FIP1L1: variants seen among roughly 807,000 people sequenced by gnomAD.
FIP1L1 encodes the protein factor interacting with PAPOLA and CPSF1.
A neutral mutation model predicts 84.6 loss-of-function variants in FIP1L1; 21 were observed. The observed-to-expected ratio is 0.25, with a 90% CI of 0.18 to 0.36. The LOEUF is 0.36. FIP1L1 is among the 10% of genes least tolerant of loss of function. The pLI is 1.00. For missense variants in FIP1L1, 526 were observed against 751.1 expected, an observed-to-expected ratio of 0.70 and a Z score of 3.50; for synonymous variants, 263 against 242.3, an observed-to-expected ratio of 1.09 and a Z score of -0.80.
chr4:53,454,041 T>C (rs1717590174), intron 16 of FIP1L1, among the ~76,000 whole-genome samples: 1 of 152,232 alleles, frequency 6.6e-6, no homozygotes, highest in Non-Finnish European at 1.5e-5. Flanking sequence ...CTATTAGTCT[T>C]TCCTGCAACA....
At chr4:53,402,057 G>C (rs1750523224) in intron 10 of FIP1L1, among the ~76,000 whole-genome samples, 1 of 152,040 alleles carries the variant, frequency 6.6e-6, no homozygotes, top group African/African-American at 2.4e-5. Flanking sequence ...AATGATGAAT[G>C]AAGTAGGAAA....
At chr4:53,387,267 A>G (rs1741593560) in intron 5 of FIP1L1, among the ~76,000 whole-genome samples, 1 of 152,242 alleles carries the variant, frequency 6.6e-6, no homozygotes, top group Non-Finnish European at 1.5e-5. Flanking sequence ...GTTTCAGGCC[A>G]GCCTGGGCAA....
intron 11 of FIP1L1, among the ~76,000 whole-genome samples, chr4:53,424,646 GCTGT>G: frequency 6.6e-6 from 1 of 152,094 alleles, no homozygotes; most frequent in South Asian, 2.1e-4. Flanking sequence ...TTTTTATAGG[GCTGT>G]CTTTGTTAGC....
intron 6 of FIP1L1, among the ~76,000 whole-genome samples, chr4:53,390,278 C>T (rs1301793293): frequency 2.6e-5 from 4 of 152,006 alleles, no homozygotes; most frequent in South Asian, 2.1e-4. Context: ...AATTTTTGAC[C>T]GTACATCACA....
At chr4:53,403,531 C>T (rs78535314) in intron 10 of FIP1L1, among the ~76,000 whole-genome samples, 2,740 of 152,204 alleles carry the variant, frequency 0.018, 83 homozygotes, top group African/African-American at 0.063. Flanking sequence ...TGTAAAAATC[C>T]GTGCTTCGGA....
chr4:53,436,633 C>T lies in FIP1L1; in HGVS notation c.1175-6020C>T, dbSNP rs563268701. 2.0e-5 allele frequency among the ~76,000 whole-genome samples: 3 copies of T among 152,200 alleles called. No individual in the cohort carries two copies. In the East Asian group the frequency reaches 5.8e-4, roughly 29 times the overall value. ...AGACAGGGATCATTGAGAGCCATGT[C>T]AGAAGCTATTTTGCCTTAGTTATAT... is the stretch of plus-strand genomic sequence containing the variant. On this transcript the variant is annotated intron_variant, in intron 13 of 17. Coordinates refer to ENST00000337488, the MANE Select transcript of FIP1L1 (RefSeq NM_030917.4).
At chr4:53,396,928 A>C (rs1244479544) in intron 9 of FIP1L1, among the ~76,000 whole-genome samples, 1 of 152,224 alleles carries the variant, frequency 6.6e-6, no homozygotes, top group African/African-American at 2.4e-5. Flanking sequence ...TTTTTTAACA[A>C]AATTATTGAA....
At chr4:53,391,569 A>C in intron 9 of FIP1L1, 71 bp downstream of exon 9, 1 of 1,085,276 alleles carries the variant, frequency 9.2e-7, no homozygotes, top group Non-Finnish European at 1.4e-6. Context: ...GCCACTACTC[A>C]AGGGACAAGA....
chr4:53,408,135 G>A (rs540138872), intron 10 of FIP1L1, among the ~76,000 whole-genome samples: 5 of 152,280 alleles, frequency 3.3e-5, no homozygotes, highest in Non-Finnish European at 5.9e-5. Context: ...GCTGGTACTG[G>A]TTGTTCCTTT....
intron 16 of FIP1L1, 88 bp downstream of exon 16, chr4:53,453,221 C>G: frequency 1.3e-6 from 2 of 1,490,504 alleles, no homozygotes; most frequent in Non-Finnish European, 1.8e-6. Flanking sequence ...TTTCAGTTCA[C>G]TTGGAAAAGA....
chr4:53,415,976 A>G (rs28654213), intron 11 of FIP1L1, among the ~76,000 whole-genome samples: 14,417 of 152,224 alleles, frequency 0.095, 1,206 homozygotes, highest in South Asian at 0.28. Context: ...TTTTAAATCT[A>G]TGTATTATAT....
chr4:53,413,502 T>C (rs1758091688), intron 10 of FIP1L1, among the ~76,000 whole-genome samples: 1 of 152,104 alleles, frequency 6.6e-6, no homozygotes, highest in African/African-American at 2.4e-5. Context: ...CTATTTCTCT[T>C]TCCCTATTCC....
intron 13 of FIP1L1, among the ~76,000 whole-genome samples, chr4:53,431,479 T>G (rs1766631743): frequency 6.6e-6 from 1 of 152,266 alleles, no homozygotes; most frequent in African/African-American, 2.4e-5. Flanking sequence ...TTTAAAGAAT[T>G]AATTTAAATG....
chr4:53,460,767 T>G lies in FIP1L1; in HGVS notation c.*1318T>G. On this transcript the variant is annotated 3_prime_UTR_variant, in exon 18 of 18. Transcript: ENST00000337488. ...CATATTTTCTGAGGTGTAACTGGCT[T>G]TCATTAGATGATCATACTTTTCCTG... The G allele has an allele frequency of 1.3e-5, 11 of 870,980 alleles. No individual in the cohort carries two copies. The highest frequency in any genetic ancestry group is 1.6e-5 in the Non-Finnish European group (9 of 577,500). 54.0% of individuals were successfully genotyped at this position (870,980 alleles called of 1,614,324 possible).
At chr4:53,457,868 G>A (rs569681923) in intron 16 of FIP1L1, among the ~76,000 whole-genome samples, 1 of 152,216 alleles carries the variant, frequency 6.6e-6, no homozygotes, top group South Asian at 2.1e-4. Context: ...GAAAGGAAAA[G>A]AAGTCTAGGG....
At position 53,414,541 on chromosome 4, in the gene FIP1L1, A is replaced by C. The variant is rs1758589778; in HGVS notation, c.816-74A>C. 1.2e-5 allele frequency: 12 copies of C among 971,198 alleles called. No homozygotes were observed. In the East Asian group the frequency reaches 2.4e-4, roughly 19 times the overall value. The allele number at this position is 971,198 out of a possible 1,614,324, so 60.2% of individuals were successfully genotyped here. ...GACTTTAGAAAAAGCATGTCAAGAAAAAAAAAAAAACAGAACAAGGGGGGT... is the reference window on the plus strand; with the variant it reads ...GACTTTAGAAAAAGCATGTCAAGAACAAAAAAAAAACAGAACAAGGGGGGT... On this transcript the variant is annotated intron_variant, in intron 10 of 17. Coordinates refer to ENST00000337488, the MANE Select transcript of FIP1L1 (RefSeq NM_030917.4).
At chr4:53,420,389 A>G (rs1189969895) in intron 11 of FIP1L1, among the ~76,000 whole-genome samples, 1 of 142,798 alleles carries the variant, frequency 7.0e-6, no homozygotes, top group Non-Finnish European at 1.5e-5. Context: ...AGATCGTGCC[A>G]TTGCACTCCA....
At chr4:53,390,747 AATG>A (rs1042132128) in intron 7 of FIP1L1, 119 bp downstream of exon 7, 4 of 664,358 alleles carry the variant, frequency 6.0e-6, no homozygotes, top group Non-Finnish European at 9.9e-6. Context: ...GTCTTAAGCA[AATG>A]ATGAGTAATA....
intron 13 of FIP1L1, among the ~76,000 whole-genome samples, chr4:53,429,243 G>A (rs1765555400): frequency 2.0e-5 from 3 of 152,266 alleles, no homozygotes; most frequent in South Asian, 2.1e-4. Context: ...GGCTTTAGAG[G>A]GTCTGTTGTC....
Sources: gnomAD v4.1 joint callset for allele counts (sites outside exome capture counted in the v4.1 genomes callset) on GRCh38, gnomAD v4.1.1 for gene constraint, MANE v1.5 for transcripts, NCBI Gene and HGNC (gene_info 2026-07-23, HGNC 2026-07-21) for gene names.